SPAG16: variants seen among roughly 807,000 people sequenced by gnomAD.
SPAG16 encodes sperm-associated antigen 16 protein.
In SPAG16, 86 loss-of-function variants were observed where a neutral mutation model predicts 80.4. The observed-to-expected ratio is 1.07, with a 90% CI of 0.90 to 1.28. SPAG16 has a LOEUF of 1.28. Among genes scored for constraint, SPAG16 ranks in the 50% most tolerant of loss-of-function variants. The probability of loss-of-function intolerance (pLI) is 0.00; values close to 1 mark genes in which losing one functional copy is unlikely to be tolerated. For missense variants in SPAG16, 870 were observed against 765.3 expected (o/e 1.14, Z -1.61); for synonymous variants, 294 against 265.9 (o/e 1.11, Z -1.03).
At chr2:214,263,454 T>C (rs917994474) in intron 15 of SPAG16, among the ~76,000 whole-genome samples, 1 of 152,224 alleles carries the variant, frequency 6.6e-6, no homozygotes. Flanking sequence ...TATATCTTTA[T>C]ATCAGTCTTG....
intron 14 of SPAG16, among the ~76,000 whole-genome samples, chr2:214,136,883 T>G (rs917217578): frequency 6.6e-6 from 1 of 152,200 alleles, no homozygotes; most frequent in Non-Finnish European, 1.5e-5. Context: ...CATTTTATTA[T>G]AGTTATACCT....
intron 10 of SPAG16, among the ~76,000 whole-genome samples, chr2:213,640,669 G>T (rs570196744): frequency 1.3e-5 from 2 of 152,122 alleles, no homozygotes; most frequent in Admixed American, 6.5e-5. Flanking sequence ...CGAATTTGAG[G>T]CTGTGAGAGT....
chr2:213,646,497 G>A (rs1273680974), intron 10 of SPAG16, among the ~76,000 whole-genome samples: 2 of 152,136 alleles, frequency 1.3e-5, no homozygotes, highest in Non-Finnish European at 2.9e-5. Context: ...TATATTGCTA[G>A]TAAACATATA....
chr2:213,613,156 TAC>T (rs1424589686), intron 10 of SPAG16, among the ~76,000 whole-genome samples: 1 of 152,212 alleles, frequency 6.6e-6, no homozygotes, highest in Non-Finnish European at 1.5e-5. Context: ...CCTAGATTAT[TAC>T]AGTGATCTCC....
intron 9 of SPAG16, among the ~76,000 whole-genome samples, chr2:213,440,556 AAAC>A (rs368614647): frequency 0.02 from 3,043 of 151,704 alleles, 42 homozygotes; most frequent in Middle Eastern, 0.052. Flanking sequence ...CTCCATCTCA[AAAC>A]AACAACAACA....
chr2:213,900,606 T>C (rs986866088), intron 11 of SPAG16, among the ~76,000 whole-genome samples: 32 of 152,170 alleles, frequency 2.1e-4, no homozygotes, highest in African/African-American at 7.5e-4. Context: ...TTCTCAGGAC[T>C]GCCTTTCCTA....
chr2:213,899,299 A>T (rs529139140), intron 11 of SPAG16, among the ~76,000 whole-genome samples: 1 of 152,132 alleles, frequency 6.6e-6, no homozygotes, highest in East Asian at 1.9e-4. Context: ...TGAAAGAGGA[A>T]TTATTTGAAT....
chr2:213,607,570 T>C (rs2061306865), intron 10 of SPAG16, among the ~76,000 whole-genome samples: 1 of 152,224 alleles, frequency 6.6e-6, no homozygotes, highest in Non-Finnish European at 1.5e-5. Flanking sequence ...TAGGTATTAT[T>C]GTCATTTTAT....
chr2:214,072,681 T>C (rs2050847093), intron 13 of SPAG16, among the ~76,000 whole-genome samples: 1 of 152,104 alleles, frequency 6.6e-6, no homozygotes, highest in Non-Finnish European at 1.5e-5. Context: ...AAATAGACAT[T>C]TAAGATATTT....
At chr2:213,719,467 C>A (rs1038002975) in intron 10 of SPAG16, among the ~76,000 whole-genome samples, 5 of 152,180 alleles carry the variant, frequency 3.3e-5, no homozygotes, top group Non-Finnish European at 7.3e-5. Context: ...GGCGGAGAAC[C>A]TTTGTATCTA....
At chr2:214,132,168 T>A (rs1387710238) in intron 14 of SPAG16, among the ~76,000 whole-genome samples, 1 of 152,212 alleles carries the variant, frequency 6.6e-6, no homozygotes, top group Non-Finnish European at 1.5e-5. Context: ...AAGAGTTCTA[T>A]TGCAAATATG....
chr2:214,360,706 A>G (rs1030269261), intron 15 of SPAG16, among the ~76,000 whole-genome samples: 1 of 151,844 alleles, frequency 6.6e-6, no homozygotes, highest in Non-Finnish European at 1.5e-5. Flanking sequence ...GGAAGTTTAA[A>G]CTTTCCCTCT....
intron 10 of SPAG16, among the ~76,000 whole-genome samples, chr2:213,652,781 T>G (rs1479084466): frequency 6.6e-6 from 1 of 152,160 alleles, no homozygotes; most frequent in Non-Finnish European, 1.5e-5. Context: ...ATATATGGTT[T>G]ACAAATACAC....
chr2:214,069,734 T>C lies in SPAG16; in HGVS notation c.1528-38462T>C, dbSNP rs757396845. On this transcript the variant is annotated intron_variant, in intron 13 of 15. Transcript: ENST00000331683. ...TTTGTTGTTTTTAAGCCCTCAGTAT[T>C]TTAGAAACTTCTATATCTACTCATA... Among the ~76,000 whole-genome samples, 120 of 152,082 alleles carry C rather than the reference T, an allele frequency of 7.9e-4. 3 individuals are homozygous for C. Among genetic ancestry groups the C allele is most frequent in the Non-Finnish European group, 2.6e-4 (18 of 67,992 alleles).
chr2:213,516,102 AC>A (rs2075413378), intron 10 of SPAG16, among the ~76,000 whole-genome samples: 1 of 152,110 alleles, frequency 6.6e-6, no homozygotes, highest in Non-Finnish European at 1.5e-5. Context: ...TTATGGTGTT[AC>A]CCCCAGTGTT....
chr2:213,697,439 T>C (rs2065204985), intron 10 of SPAG16, among the ~76,000 whole-genome samples: 1 of 152,180 alleles, frequency 6.6e-6, no homozygotes, highest in Non-Finnish European at 1.5e-5. Flanking sequence ...TCCCCAAAGA[T>C]ATTCAGATTC....
At chr2:213,398,164 C>G (rs544260392) in intron 9 of SPAG16, among the ~76,000 whole-genome samples, 1 of 147,986 alleles carries the variant, frequency 6.8e-6, no homozygotes, top group Admixed American at 6.6e-5. Flanking sequence ...CACTTTTGCT[C>G]TCTGTTTTTT....
chr2:213,657,599 C>A (rs2125168966), intron 10 of SPAG16, among the ~76,000 whole-genome samples: 1 of 152,226 alleles, frequency 6.6e-6, no homozygotes, highest in Non-Finnish European at 1.5e-5. Flanking sequence ...GTGCTTATAG[C>A]AACTTTTGAA....
At chr2:213,636,832 T>G (rs1370034505) in intron 10 of SPAG16, among the ~76,000 whole-genome samples, 2 of 152,358 alleles carry the variant, frequency 1.3e-5, no homozygotes, top group Admixed American at 6.5e-5. Flanking sequence ...AGAATTCATT[T>G]ATCATATCTT....
Sources: gnomAD v4.1 joint callset for allele counts (sites outside exome capture counted in the v4.1 genomes callset) on GRCh38, gnomAD v4.1.1 for gene constraint, MANE v1.5 for transcripts, NCBI Gene and HGNC (gene_info 2026-07-23, HGNC 2026-07-21) for gene names.